FUT9: variants seen among roughly 807,000 people sequenced by gnomAD.
FUT9 encodes 4-galactosyl-N-acetylglucosaminide 3-alpha-L-fucosyltransferase 9.
FUT9 carries 15 observed loss-of-function variants against 29.7 expected under a neutral mutation model. The ratio of observed to expected loss-of-function variants is 0.51; its 90% CI spans 0.34 to 0.78. The LOEUF (loss-of-function observed/expected upper bound fraction) is 0.78, where lower values mean the gene tolerates loss of function less well. Among genes scored for constraint, FUT9 ranks in the 30% least tolerant of loss-of-function variants. FUT9 has a pLI of 0.01. For synonymous variants in FUT9, 169 were observed against 153.7 expected (o/e 1.10, Z -0.74); for missense variants, 319 against 425.4 (o/e 0.75, Z 2.20).
chr6:96,176,142 C>G (rs1773199777), intron 2 of FUT9, among the ~76,000 whole-genome samples: 1 of 152,146 alleles, frequency 6.6e-6, no homozygotes, highest in African/African-American at 2.4e-5. Flanking sequence ...CCGAGAGTTA[C>G]ATGGCCCACT....
chr6:96,198,969 A>C (rs574763227), intron 2 of FUT9, among the ~76,000 whole-genome samples: 1 of 152,186 alleles, frequency 6.6e-6, no homozygotes, highest in East Asian at 1.9e-4. Flanking sequence ...GAACGACTGG[A>C]GGTAATCTCT....
At chr6:96,181,310 G>A (rs1040729759) in intron 2 of FUT9, among the ~76,000 whole-genome samples, 1 of 151,986 alleles carries the variant, frequency 6.6e-6, no homozygotes, top group Non-Finnish European at 1.5e-5. Context: ...AGCTTCCACA[G>A]CCCTCTTTTT....
At chr6:96,180,596 T>C (rs1034211106) in intron 2 of FUT9, among the ~76,000 whole-genome samples, 12 of 152,064 alleles carry the variant, frequency 7.9e-5, no homozygotes, top group Non-Finnish European at 1.8e-4. Context: ...TTGTATCAAT[T>C]CACCAACCTT....
intron 2 of FUT9, among the ~76,000 whole-genome samples, chr6:96,146,760 TA>T (rs1293786506): frequency 6.6e-6 from 1 of 152,142 alleles, no homozygotes; most frequent in African/African-American, 2.4e-5. Context: ...TGTAAAATGG[TA>T]AAATGCAGTT....
chr6:96,067,705 G>C (rs1351850472), intron 1 of FUT9, among the ~76,000 whole-genome samples: 3 of 151,972 alleles, frequency 2.0e-5, no homozygotes, highest in African/African-American at 7.3e-5. Context: ...ATAGAATTGT[G>C]GTTGGAAGTA....
chr6:96,116,055 T>G (rs1771905424), intron 2 of FUT9, among the ~76,000 whole-genome samples: 1 of 152,130 alleles, frequency 6.6e-6, no homozygotes, highest in Non-Finnish European at 1.5e-5. Flanking sequence ...ATGTATCTGA[T>G]AAAAGATTTG....
At chr6:96,095,169 C>CT (rs1442681172) in intron 1 of FUT9, among the ~76,000 whole-genome samples, 7 of 152,102 alleles carry the variant, frequency 4.6e-5, no homozygotes, top group African/African-American at 1.7e-4. Context: ...AGAATAAGCA[C>CT]TAATGAGCTA....
intron 1 of FUT9, among the ~76,000 whole-genome samples, chr6:96,084,212 C>A (rs1263254441): frequency 6.6e-6 from 1 of 152,022 alleles, no homozygotes; most frequent in East Asian, 1.9e-4. Context: ...AAGATCATAT[C>A]TCTTTATTTC....
intron 1 of FUT9, among the ~76,000 whole-genome samples, chr6:96,105,024 T>A (rs1180064564): frequency 6.6e-6 from 1 of 152,140 alleles, no homozygotes; most frequent in East Asian, 1.9e-4. Flanking sequence ...TTACTTAGAG[T>A]CAGATTTATT....
intron 2 of FUT9, among the ~76,000 whole-genome samples, chr6:96,168,505 C>T (rs1053775963): frequency 6.6e-6 from 1 of 152,078 alleles, no homozygotes; most frequent in Non-Finnish European, 1.5e-5. Context: ...AGAAAGCAAT[C>T]ACATCAAACA....
chr6:96,146,535 T>TA lies in FUT9; in HGVS notation c.-9+32416dup, dbSNP rs201675284. ...CCAGGAATTTAATAATTTGGTAAGT[T>TA]AAAAAAAACTTTTTATTCATCATGC... is the stretch of plus-strand genomic sequence containing the variant. On this transcript the variant is annotated intron_variant, in intron 2 of 2. Coordinates refer to ENST00000302103, the MANE Select transcript of FUT9 (RefSeq NM_006581.4). Among the ~76,000 whole-genome samples, 510 of 152,204 alleles carry TA rather than the reference T, an allele frequency of 3.4e-3. 1 individual carries two copies. The highest frequency in any genetic ancestry group is 0.011 in the African/African-American group (452 of 41,520).
Position 96,204,116 on chromosome 6 carries a change from G to T in FUT9, c.961G>T (p.Asp321Tyr), listed in dbSNP as rs776752121. 1.3e-6 allele frequency: 2 copies of T among 1,502,306 alleles called. No homozygotes were observed. The highest frequency in any genetic ancestry group is 4.6e-5 in the Admixed American group (2 of 43,652). 93.1% of individuals were successfully genotyped at this position (1,502,306 alleles called of 1,614,324 possible). ...CCTTAGTTACTTTAACTGGAGGAAG[G>T]ATTTCACTGTAAATCTTCCACGATT... is the stretch of plus-strand genomic sequence containing the variant. ...LYLSYFNWRKDFTVNLPRFWE... is the reference protein window; with the variant it reads ...LYLSYFNWRKYFTVNLPRFWE... The change falls in exon 3 of 3, where the codon GAT (aspartate) becomes TAT (tyrosine). Residue 321 changes from aspartate to tyrosine, a missense_variant. Transcript: ENST00000302103.
chr6:96,178,341 T>C (rs1159728162), intron 2 of FUT9, among the ~76,000 whole-genome samples: 1 of 152,180 alleles, frequency 6.6e-6, no homozygotes, highest in South Asian at 2.1e-4. Flanking sequence ...GGGGAGACAC[T>C]GTATTATGGA....
chr6:96,121,451 GC>G (rs538210768), intron 2 of FUT9, among the ~76,000 whole-genome samples: 290 of 152,178 alleles, frequency 1.9e-3, no homozygotes, highest in African/African-American at 6.8e-3. Context: ...CAGTGAACTA[GC>G]CCCCCTAGGA....
At chr6:96,094,564 T>C (rs1771464332) in intron 1 of FUT9, among the ~76,000 whole-genome samples, 1 of 152,134 alleles carries the variant, frequency 6.6e-6, no homozygotes, top group Non-Finnish European at 1.5e-5. Flanking sequence ...ATGCAGAGCA[T>C]ATATTGGGTT....
chr6:96,186,223 G>A (rs568044870), intron 2 of FUT9, among the ~76,000 whole-genome samples: 2 of 151,684 alleles, frequency 1.3e-5, no homozygotes, highest in Admixed American at 6.6e-5. Flanking sequence ...TTCTATTTCA[G>A]TTCTTACTAG....
chr6:96,183,790 A>C (rs1237202711), intron 2 of FUT9, among the ~76,000 whole-genome samples: 2 of 152,116 alleles, frequency 1.3e-5, no homozygotes, highest in East Asian at 3.8e-4. Context: ...CCTGGTATGA[A>C]ACCTACTTGA....
rs532146075 is a variant in FUT9, at chr6:96,204,514, T to C, written c.*279T>C. ...ACATTGTTTTTTCACATTTTTGTAGTTGTCCATAATGTAAGCTTGTGGTTT... is the reference window on the plus strand; with the variant it reads ...ACATTGTTTTTTCACATTTTTGTAGCTGTCCATAATGTAAGCTTGTGGTTT... On this transcript the variant is annotated 3_prime_UTR_variant, in exon 3 of 3. Transcript: ENST00000302103. 1.1e-3 allele frequency: 238 copies of C among 214,026 alleles called. 1 individual carries two copies. The highest frequency in any genetic ancestry group is 5.3e-3 in the African/African-American group (230 of 43,492). 13.3% of individuals were successfully genotyped at this position (214,026 alleles called of 1,614,324 possible).
chr6:96,211,902 C>A lies in FUT9; in HGVS notation c.*7667C>A, dbSNP rs1773943802. On this transcript the variant is annotated 3_prime_UTR_variant, in exon 3 of 3. Transcript: ENST00000302103. ...TTATTTTTCTGAGTTCTCTGGAAAC[C>A]AAACAATTTTGAATTAGTTGTGTAA... 3 of 404,220 alleles carry A rather than the reference C, an allele frequency of 7.4e-6. No individual in the cohort carries two copies. The highest frequency in any genetic ancestry group is 1.4e-5 in the Non-Finnish European group (3 of 220,506). The allele number at this position is 404,220 out of a possible 1,614,324, so 25.0% of individuals were successfully genotyped here.
Sources: allele counts gnomAD v4.1 joint callset (sites outside exome capture counted in the v4.1 genomes callset), GRCh38; gene constraint gnomAD v4.1.1; transcripts MANE v1.5; gene names NCBI Gene and HGNC (gene_info 2026-07-23, HGNC 2026-07-21).